Variants in POLR1D observed in about 807,000 individuals in gnomAD.
The protein encoded by POLR1D is DNA-directed RNA polymerases I and III subunit RPAC2.
A neutral mutation model predicts 10.8 loss-of-function variants in POLR1D; 8 were observed. The observed-to-expected ratio is 0.74, with a 90% CI of 0.43 to 1.33. POLR1D has a LOEUF of 1.33. Ranked by LOEUF, POLR1D falls within the 40% of genes most tolerant of loss-of-function variation. The pLI, the probability that POLR1D is intolerant of heterozygous loss-of-function variation, is 0.01. For synonymous variants in POLR1D, 54 were observed against 57.2 expected, an observed-to-expected ratio of 0.94 and a Z score of 0.25; for missense variants, 152 against 161.7, an observed-to-expected ratio of 0.94 and a Z score of 0.32.
downstream of POLR1D, among the ~76,000 whole-genome samples, chr13:27,627,739 T>TC (rs549255185): frequency 3.5e-4 from 44 of 125,188 alleles, no homozygotes; most frequent in Non-Finnish European, 6.4e-4. Context: ...TTTTTTTTTT[T>TC]TTTTTTTTTT....
intron 1 of POLR1D, among the ~76,000 whole-genome samples, chr13:27,635,387 T>A (rs1956113115): frequency 6.6e-6 from 1 of 152,154 alleles, no homozygotes; most frequent in East Asian, 1.9e-4. Flanking sequence ...GACAGGACTC[T>A]GGATATGAAG....
chr13:27,635,649 T>A (rs577632081), intron 1 of POLR1D, among the ~76,000 whole-genome samples: 59 of 150,204 alleles, frequency 3.9e-4, no homozygotes, highest in Middle Eastern at 3.6e-3. Context: ...ATTATTTTTT[T>A]AAAAATTCTT....
intron 1 of POLR1D, among the ~76,000 whole-genome samples, chr13:27,642,417 C>A (rs184273950): frequency 6.6e-6 from 1 of 152,222 alleles, no homozygotes; most frequent in Non-Finnish European, 1.5e-5. Context: ...ATTGCTCCCT[C>A]AGGAACCTGT....
chr13:27,622,656 C>G (rs569036216), intron 1 of POLR1D, among the ~76,000 whole-genome samples: 1 of 152,202 alleles, frequency 6.6e-6, no homozygotes, highest in African/African-American at 2.4e-5. Context: ...CCCCTTGTGG[C>G]CAGTGTGGAT....
At chr13:27,653,524 A>G (rs1159495342) in intron 2 of POLR1D, among the ~76,000 whole-genome samples, 1 of 152,174 alleles carries the variant, frequency 6.6e-6, no homozygotes, top group African/African-American at 2.4e-5. Context: ...AAAGACACGA[A>G]TTCCTGCTGG....
chr13:27,626,128 G>C (rs1404162780), downstream of POLR1D, among the ~76,000 whole-genome samples: 1 of 152,220 alleles, frequency 6.6e-6, no homozygotes, highest in Non-Finnish European at 1.5e-5. Flanking sequence ...GCTCAAAAAG[G>C]ATGTGGAAAA....
At chr13:27,621,820 G>C, upstream of POLR1D, 1 of 664,564 alleles carries the variant, frequency 1.5e-6, no homozygotes, top group Non-Finnish European at 2.6e-6. Context: ...GCCCCGCCCC[G>C]CGGCTGGGCC....
downstream of POLR1D, among the ~76,000 whole-genome samples, chr13:27,627,762 G>C (rs1476612038): frequency 8.0e-6 from 1 of 124,292 alleles, no homozygotes; most frequent in Non-Finnish European, 1.6e-5. Context: ...TCCCATGCCT[G>C]TGTGCAGAAT....
intron 2 of POLR1D, chr13:27,665,534 T>C: frequency 1.4e-6 from 1 of 716,674 alleles, no homozygotes; most frequent in Non-Finnish European, 2.5e-6. Context: ...GTACTCAGAG[T>C]TTACACTAGG....
At chr13:27,645,256 C>CT (rs1002515347) in intron 1 of POLR1D, among the ~76,000 whole-genome samples, 4 of 151,930 alleles carry the variant, frequency 2.6e-5, no homozygotes, top group South Asian at 4.1e-4. Flanking sequence ...TCTGTTAGGC[C>CT]TTTTTTTTCC....
chr13:27,626,231 C>T (rs561426479), downstream of POLR1D, among the ~76,000 whole-genome samples: 3 of 152,318 alleles, frequency 2.0e-5, no homozygotes, highest in African/African-American at 7.2e-5. Context: ...AAACCAAGGC[C>T]TGTCAGGAGA....
At chr13:27,638,344 A>G (rs2138542187) in intron 1 of POLR1D, among the ~76,000 whole-genome samples, 1 of 152,366 alleles carries the variant, frequency 6.6e-6, no homozygotes, top group Non-Finnish European at 1.5e-5. Flanking sequence ...AATTAGAAGT[A>G]TACACATGTT....
chr13:27,627,965 A>C (rs1173601115), downstream of POLR1D, among the ~76,000 whole-genome samples: 1 of 152,156 alleles, frequency 6.6e-6, no homozygotes, highest in Non-Finnish European at 1.5e-5. Flanking sequence ...GATGACCCCA[A>C]AGGCCCCATA....
downstream of POLR1D, among the ~76,000 whole-genome samples, chr13:27,625,662 A>T (rs933260818): frequency 9.5e-5 from 14 of 147,252 alleles, no homozygotes; most frequent in Non-Finnish European, 1.9e-4. Flanking sequence ...AATTGATTAA[A>T]AAAAAAAAAA....
chr13:27,638,784 A>T (rs1310995229), intron 1 of POLR1D, among the ~76,000 whole-genome samples: 1 of 152,174 alleles, frequency 6.6e-6, no homozygotes, highest in African/African-American at 2.4e-5. Flanking sequence ...TTTGTATAAC[A>T]TAAAGCTCTT....
intron 1 of POLR1D, among the ~76,000 whole-genome samples, chr13:27,635,723 T>TATAC (rs1555272228): frequency 1.4e-4 from 15 of 106,720 alleles, no homozygotes; most frequent in African/African-American, 4.1e-4. Flanking sequence ...TATATATATA[T>TATAC]ATACATACAC....
chr13:27,640,271 C>G (rs2138544699), intron 1 of POLR1D, among the ~76,000 whole-genome samples: 1 of 152,204 alleles, frequency 6.6e-6, no homozygotes, highest in East Asian at 1.9e-4. Flanking sequence ...CAGTGGAGAT[C>G]CAGTGCTCAG....
chr13:27,656,302 G>C (rs1161412130), intron 2 of POLR1D, among the ~76,000 whole-genome samples: 2 of 152,160 alleles, frequency 1.3e-5, no homozygotes, highest in African/African-American at 2.4e-5. Context: ...TATTGAAAAA[G>C]CTTCTACAAA....
Position 27,663,745 on chromosome 13 carries a change from GA to G in POLR1D, c.102-1939del. On this transcript the variant is annotated intron_variant, in intron 2 of 2. Coordinates refer to the POLR1D transcript ENST00000399697. This position sits in a 1 kb window ranked among gnomAD's most constrained non-coding sequence, Gnocchi z 4.1. ...ACCCTTCCTTGTTGTTTAATGCAGA[GA>G]AGAACTGGCCAGTTTACCACCACTG... Among the ~76,000 whole-genome samples, 1 of 94,412 alleles carries G rather than the reference GA, an allele frequency of 1.1e-5. No homozygotes were observed. The highest frequency in any genetic ancestry group is 9.7e-4 in the East Asian group (1 of 1,032). The allele number at this position is 94,412 out of a possible 152,430, so 61.9% of individuals were successfully genotyped here. A position where few individuals can be genotyped will look rare whatever the true frequency, so the allele number is the denominator to read the frequency against.
Sources: allele counts gnomAD v4.1 joint callset (sites outside exome capture counted in the v4.1 genomes callset), GRCh38; gene constraint gnomAD v4.1.1; non-coding constraint Gnocchi (gnomAD v3.1); transcripts MANE v1.5; gene names NCBI Gene and HGNC (gene_info 2026-07-23, HGNC 2026-07-21).